The following POC1A variants were observed in gnomAD, a reference collection of about 807,000 sequenced individuals.
POC1A encodes POC1 centriolar protein homolog A.
POC1A carries 34 observed loss-of-function variants against 47.8 expected under a neutral mutation model. The observed-to-expected ratio is 0.71, with a 90% CI of 0.54 to 0.95. POC1A has a LOEUF of 0.95. Ranked by LOEUF, POC1A falls within the 40% of genes least tolerant of loss-of-function variation. POC1A has a pLI of 0.00. For missense variants in POC1A, 466 were observed against 528.3 expected (o/e 0.88, Z 1.16); for synonymous variants, 177 against 207.6 (o/e 0.85, Z 1.27).
At chr3:52,124,969 C>A (rs866958165) in intron 8 of POC1A, 144 bp downstream of exon 8, 9 of 629,966 alleles carry the variant, frequency 1.4e-5, no homozygotes, top group Non-Finnish European at 2.5e-5. Context: ...CCACCCCAAG[C>A]GCCATCAGGG....
intron 7 of POC1A, among the ~76,000 whole-genome samples, chr3:52,136,324 C>T (rs760855988): frequency 6.6e-6 from 1 of 152,088 alleles, no homozygotes; most frequent in Admixed American, 6.6e-5. Flanking sequence ...CAGGGCCTAC[C>T]CACCTTCACC....
chr3:52,125,948 TC>T (rs1464948597), intron 7 of POC1A, among the ~76,000 whole-genome samples: 1 of 152,086 alleles, frequency 6.6e-6, no homozygotes, highest in African/African-American at 2.4e-5. Flanking sequence ...GGAGGGTTCT[TC>T]CCCACATACC....
intron 9 of POC1A, among the ~76,000 whole-genome samples, chr3:52,106,241 A>G (rs1271166411): frequency 6.6e-6 from 1 of 151,058 alleles, no homozygotes; most frequent in African/African-American, 2.4e-5. Context: ...TCCACAGTCC[A>G]CACGGTAACC....
intron 1 of POC1A, among the ~76,000 whole-genome samples, chr3:52,151,467 C>G (rs1229036567): frequency 6.6e-6 from 1 of 151,856 alleles, no homozygotes; most frequent in African/African-American, 2.4e-5. Flanking sequence ...TTAAATTAGC[C>G]GGGCATGGTG....
intron 9 of POC1A, among the ~76,000 whole-genome samples, chr3:52,111,057 C>G (rs749576286): frequency 3.4e-4 from 52 of 152,210 alleles, no homozygotes; most frequent in Admixed American, 1.3e-4. Flanking sequence ...GCTCTGTCTT[C>G]CTGATACTGT....
intron 10 of POC1A, among the ~76,000 whole-genome samples, chr3:52,087,978 C>T (rs1037500902): frequency 1.3e-5 from 2 of 152,216 alleles, no homozygotes; most frequent in Non-Finnish European, 2.9e-5. Context: ...TGAGTCCAAA[C>T]AGGGCTGAGC....
At chr3:52,095,415 G>C (rs750770093) in intron 10 of POC1A, among the ~76,000 whole-genome samples, 8 of 152,176 alleles carry the variant, frequency 5.3e-5, no homozygotes, top group Non-Finnish European at 1.2e-4. Context: ...ACGATCCCAA[G>C]CTGGGGAAAG....
chr3:52,100,482 G>C (rs890147456), intron 9 of POC1A, among the ~76,000 whole-genome samples: 2 of 152,222 alleles, frequency 1.3e-5, no homozygotes, highest in African/African-American at 4.8e-5. Context: ...GAGAGCTGAA[G>C]TCACAGAGCA....
At chr3:52,088,537 G>A (rs1212764734) in intron 10 of POC1A, among the ~76,000 whole-genome samples, 1 of 152,110 alleles carries the variant, frequency 6.6e-6, no homozygotes, top group African/African-American at 2.4e-5. Flanking sequence ...GCCCTTCCTG[G>A]CCCTGCTGTG....
intron 7 of POC1A, among the ~76,000 whole-genome samples, chr3:52,133,516 A>C (rs1704316267): frequency 6.6e-6 from 1 of 151,812 alleles, no homozygotes; most frequent in Non-Finnish European, 1.5e-5. Context: ...CCGCACGCTG[A>C]CTCCTGGCTG....
intron 7 of POC1A, among the ~76,000 whole-genome samples, chr3:52,134,936 C>T (rs555214698): frequency 1.1e-4 from 17 of 152,218 alleles, no homozygotes; most frequent in Non-Finnish European, 2.2e-4. Context: ...ATAGCAGCTG[C>T]GCTCCATCAG....
chr3:52,120,258 T>C (rs1703728557), intron 9 of POC1A, among the ~76,000 whole-genome samples: 1 of 152,200 alleles, frequency 6.6e-6, no homozygotes, highest in African/African-American at 2.4e-5. Context: ...GTGTTATATA[T>C]ATATATGTAT....
chr3:52,087,177 G>A (rs547815419), intron 10 of POC1A, among the ~76,000 whole-genome samples: 1 of 152,302 alleles, frequency 6.6e-6, no homozygotes, highest in Admixed American at 6.5e-5. Context: ...GGCAGGAAGT[G>A]GGGGCGGGAG....
At position 52,146,976 on chromosome 3, in the gene POC1A, C is replaced by G. The variant is rs1160877079; in HGVS notation, c.563+12G>C. 12 of 1,606,770 alleles carry G rather than the reference C, an allele frequency of 7.5e-6. No homozygotes were observed. The highest frequency in any genetic ancestry group is 1.6e-4 in the Middle Eastern group (1 of 6,068). ...AGCGCCTACAGGTGGAGGACAGCAT[C>G]TGGGGACTCACCCGCCATGCTCACA... On this transcript the variant is annotated intron_variant, in intron 5 of 10. Transcript: ENST00000296484.
intron 9 of POC1A, among the ~76,000 whole-genome samples, chr3:52,103,428 A>G (rs765524067): frequency 6.6e-6 from 1 of 152,254 alleles, no homozygotes; most frequent in Non-Finnish European, 1.5e-5. Context: ...AGGGAGGCTA[A>G]GGCAGAAGAA....
At chr3:52,105,597 C>T (rs1241580851) in intron 9 of POC1A, among the ~76,000 whole-genome samples, 1 of 152,218 alleles carries the variant, frequency 6.6e-6, no homozygotes, top group African/African-American at 2.4e-5. Flanking sequence ...ATACCGAATT[C>T]ACCACACATA....
At chr3:52,119,798 T>G (rs1357855105) in intron 9 of POC1A, among the ~76,000 whole-genome samples, 1 of 152,122 alleles carries the variant, frequency 6.6e-6, no homozygotes, top group Non-Finnish European at 1.5e-5. Context: ...TATCCCACAA[T>G]GCACAAAACA....
At chr3:52,138,012 C>A (rs1302376053) in intron 7 of POC1A, among the ~76,000 whole-genome samples, 157 bp downstream of exon 7, 4 of 152,204 alleles carry the variant, frequency 2.6e-5, no homozygotes, top group Non-Finnish European at 4.4e-5. Context: ...TGCACCAGTC[C>A]CAGGCCCAGC....
chr3:52,103,363 C>A (rs1341956802), intron 9 of POC1A, among the ~76,000 whole-genome samples: 2 of 152,108 alleles, frequency 1.3e-5, no homozygotes, highest in Non-Finnish European at 2.9e-5. Context: ...CACGTCTCTA[C>A]TAAAATGCAA....
Sources: allele counts gnomAD v4.1 joint callset (sites outside exome capture counted in the v4.1 genomes callset), GRCh38; gene constraint gnomAD v4.1.1; transcripts MANE v1.5; gene names NCBI Gene and HGNC (gene_info 2026-07-23, HGNC 2026-07-21).